Variants in YLPM1 observed in about 807,000 individuals in gnomAD.
The protein encoded by YLPM1 is YLP motif containing 1, also known as YLP motif-containing protein 1.
YLPM1 carries 99 observed loss-of-function variants against 230.0 expected under a neutral mutation model. That is an observed-to-expected ratio of 0.43 (90% confidence interval 0.37 to 0.51). The LOEUF (loss-of-function observed/expected upper bound fraction) is 0.51, where lower values mean the gene tolerates loss of function less well. YLPM1 is among the 20% of genes least tolerant of loss of function. The probability of loss-of-function intolerance (pLI) is 0.00; values close to 1 mark genes in which losing one functional copy is unlikely to be tolerated. For missense variants in YLPM1, 2,592 were observed against 2,707.7 expected, an observed-to-expected ratio of 0.96 and a Z score of 0.95; for synonymous variants, 984 against 942.5, an observed-to-expected ratio of 1.04 and a Z score of -0.81.
At chr14:74,822,275 A>G (rs1047817138) in intron 17 of YLPM1, among the ~76,000 whole-genome samples, 12 of 152,174 alleles carry the variant, frequency 7.9e-5, no homozygotes, top group African/African-American at 2.9e-4. Flanking sequence ...CGTGTGTACT[A>G]GAAACTGATT....
At chr14:74,797,456 A>G (rs2091275864) in intron 4 of YLPM1, 124 bp from the exon 5 acceptor site, 2 of 808,558 alleles carry the variant, frequency 2.5e-6, no homozygotes, top group Admixed American at 6.6e-5. Flanking sequence ...GGATTAATTT[A>G]ATGACTGAAA....
chr14:74,791,604 G>T (rs1296615936), intron 4 of YLPM1, among the ~76,000 whole-genome samples: 2 of 152,166 alleles, frequency 1.3e-5, no homozygotes, highest in Non-Finnish European at 2.9e-5. Context: ...CAGCACTTCA[G>T]TAATTACAGA....
intron 4 of YLPM1, among the ~76,000 whole-genome samples, chr14:74,788,847 AAG>A (rs1360021735): frequency 6.6e-6 from 1 of 152,196 alleles, no homozygotes; most frequent in Non-Finnish European, 1.5e-5. Flanking sequence ...AAAAAAAAGA[AAG>A]AAAAGAAACC....
At position 74,817,074 on chromosome 14, in the gene YLPM1, G is replaced by C. The variant is rs1322003780; in HGVS notation, c.5829G>C (p.Gln1943His). 2.5e-6 allele frequency: 4 copies of C among 1,607,336 alleles called. 1 individual carries two copies. Among genetic ancestry groups the C allele is most frequent in the Admixed American group, 1.7e-5 (1 of 58,634 alleles). The part of the protein sequence containing the change: ...AINDRVRHFD[Q>H]FWSAAKTKGF... ...ATGACAGAGTTAGGCATTTTGACCAGTTTTGGAGTGCAGCAAAAACCAAGG... is the reference window on the plus strand; with the variant it reads ...ATGACAGAGTTAGGCATTTTGACCACTTTTGGAGTGCAGCAAAAACCAAGG... The change falls in exon 14 of 21, where the codon CAG (glutamine) becomes CAC (histidine). Residue 1943 changes from glutamine (Q) to histidine (H), a missense_variant. Gln to His is a conservative substitution (Grantham distance 24, BLOSUM62 0). This residue lies in a region of YLPM1 where 315 missense variants were observed against 429.3 expected (regional missense o/e 0.73). Coordinates refer to ENST00000325680, the MANE Select transcript of YLPM1 (RefSeq NM_019589.3).
rs933326019 is a variant in YLPM1 at position 74,781,312 on chromosome 14, G to C, written c.1291-22G>C. Reference sequence around the variant, plus strand: ...TATCTTATATGAATGGTTTTAAATAGTTTTTATCCCTTTATTTGTAGACCA... The same window carrying C: ...TATCTTATATGAATGGTTTTAAATACTTTTTATCCCTTTATTTGTAGACCA... On this transcript the variant is annotated intron_variant, in intron 3 of 20. Coordinates refer to ENST00000325680, the MANE Select transcript of YLPM1 (RefSeq NM_019589.3). 6 of 1,505,454 alleles carry C rather than the reference G, an allele frequency of 4.0e-6. No homozygotes were observed. The East Asian group carries it at 1.5e-4, about 37-fold the overall frequency. 93.3% of individuals were successfully genotyped at this position (1,505,454 alleles called of 1,614,324 possible). A position where few individuals can be genotyped will look rare whatever the true frequency, so the allele number is the denominator to read the frequency against.
chr14:74,801,617 CAG>C (rs986865140), intron 5 of YLPM1, among the ~76,000 whole-genome samples: 6 of 152,134 alleles, frequency 3.9e-5, no homozygotes, highest in African/African-American at 2.4e-5. Flanking sequence ...CCCCAAGAAT[CAG>C]ATAACAAAAA....
At position 74,764,164 on chromosome 14, in the gene YLPM1, G is replaced by T. The variant is rs995665994; in HGVS notation, c.675G>T (p.Leu225Phe). The T allele has an allele frequency of 6.2e-7, 1 of 1,612,574 alleles. No homozygotes were observed. Among genetic ancestry groups the T allele is most frequent in the African/African-American group, 1.3e-5 (1 of 74,386 alleles). Residue 225 changes from leucine to phenylalanine, a missense_variant, in exon 1 of 21, where the codon TTG becomes TTT. Around this residue, in one of 4 missense-constraint regions of YLPM1, gnomAD observed 1,862 missense variants for 1,819.8 expected, o/e 1.02. Transcript: ENST00000325680. ...QSYLSHSQSYLPSSQASPSRP... is the reference protein window; with the variant it reads ...QSYLSHSQSYFPSSQASPSRP... Reference sequence around the variant, plus strand: ...ATTTGAGCCATTCCCAGTCCTACTTGCCCTCTTCTCAGGCATCTCCTTCCC... The same window carrying T: ...ATTTGAGCCATTCCCAGTCCTACTTTCCCTCTTCTCAGGCATCTCCTTCCC...
chr14:74,810,123 T>C, intron 8 of YLPM1, 102 bp from the exon 9 acceptor site: 1 of 1,484,508 alleles, frequency 6.7e-7, no homozygotes, highest in Non-Finnish European at 9.0e-7. Context: ...CTTAGTTGAA[T>C]TTATGGCAAA....
In YLPM1 at chr14:74,809,690, C is replaced by A. The variant is rs374456976; in HGVS notation, c.4832C>A (p.Pro1611Gln). 32 of 1,613,948 alleles carry A rather than the reference C, an allele frequency of 2.0e-5. No homozygotes were observed. Among genetic ancestry groups the A allele is most frequent in the Non-Finnish European group, 2.5e-5 (30 of 1,179,906 alleles). The stretch of plus-strand genomic sequence containing the variant: ...CCATCTGCTCCAGTATTACCACCCC[C>A]ACCTGTTCACTCTTCCATTCCCCCT... The part of the protein sequence containing the change: ...AIPSAPVLPP[P>Q]PVHSSIPPPG... Residue 1611 changes from proline to glutamine, a missense_variant, in exon 7 of 21, where the codon CCA (proline) becomes CAA (glutamine). Pro to Gln is a moderately conservative substitution (Grantham distance 76). This residue lies in a region of YLPM1 where 403 missense variants were observed against 426.7 expected (regional missense o/e 0.94). Coordinates refer to ENST00000325680, the MANE Select transcript of YLPM1 (RefSeq NM_019589.3).
At chr14:74,785,671 A>G (rs2091141325) in intron 4 of YLPM1, among the ~76,000 whole-genome samples, 12 of 152,214 alleles carry the variant, frequency 7.9e-5, no homozygotes, top group Admixed American at 3.3e-4. Flanking sequence ...TTAAATAATC[A>G]AAGCTGATTA....
intron 11 of YLPM1, among the ~76,000 whole-genome samples, chr14:74,814,244 C>G (rs1305035241): frequency 6.6e-6 from 1 of 151,948 alleles, no homozygotes; most frequent in East Asian, 1.9e-4. Context: ...ACCTGTAGTC[C>G]CAGCTACTCA....
chr14:74,804,579 G>C lies in YLPM1; in HGVS notation c.4521+1903G>C, dbSNP rs187978736. ...TGCCTTCCCATCCCCTCCTGCAACT[G>C]GCTAATGTTTGTTTATCTTTTACAA... On this transcript the variant is annotated intron_variant, in intron 6 of 20. Transcript: ENST00000325680. Among the ~76,000 whole-genome samples the C allele has an allele frequency of 1.7e-3, 260 of 152,236 alleles. 3 individuals carry two copies. Among genetic ancestry groups the C allele is most frequent in the Middle Eastern group, 0.014 (4 of 294 alleles).
intron 1 of YLPM1, among the ~76,000 whole-genome samples, chr14:74,765,573 G>T (rs2090904007): frequency 6.6e-6 from 1 of 152,186 alleles, no homozygotes. Flanking sequence ...TATAGAGACA[G>T]ACTTTCTGTC....
chr14:74,778,353 A>T, intron 1 of YLPM1, 94 bp from the exon 2 acceptor site: 1 of 1,100,672 alleles, frequency 9.1e-7, no homozygotes, highest in East Asian at 2.6e-5. Context: ...ATATAGACAC[A>T]TGAACACAGA....
intron 4 of YLPM1, among the ~76,000 whole-genome samples, chr14:74,796,333 A>T (rs2091260609): frequency 6.6e-6 from 1 of 152,112 alleles, no homozygotes. Flanking sequence ...GCACTTCCAA[A>T]CATGCTCTGC....
chr14:74,769,851 A>AC (rs113231747), intron 1 of YLPM1, among the ~76,000 whole-genome samples: 14,218 of 76,268 alleles, frequency 0.19, 1,674 homozygotes, highest in Non-Finnish European at 0.2. Flanking sequence ...AAAGTGAGAC[A>AC]CCCCCCCCCC....
At chr14:74,827,441 A>C in intron 18 of YLPM1, 1 of 985,452 alleles carries the variant, frequency 1.0e-6, no homozygotes, top group Non-Finnish European at 1.2e-6. Context: ...TTTGCACAAT[A>C]AAATTTCAAA....
At chr14:74,811,881 G>A (rs1177914933) in intron 10 of YLPM1, 143 bp downstream of exon 10, 6 of 544,006 alleles carry the variant, frequency 1.1e-5, no homozygotes, top group African/African-American at 2.0e-5. Flanking sequence ...CTAAAAAATA[G>A]CAGTGTAATT....
intron 1 of YLPM1, among the ~76,000 whole-genome samples, chr14:74,773,989 G>A (rs1490401060): frequency 6.6e-6 from 1 of 151,974 alleles, no homozygotes; most frequent in African/African-American, 2.4e-5. Context: ...CCAAAGTACT[G>A]GGATTACAGG....
Sources: gnomAD v4.1 joint callset for allele counts (sites outside exome capture counted in the v4.1 genomes callset) on GRCh38, gnomAD v4.1.1 for gene constraint, gnomAD v4.1.1 regional missense constraint, MANE v1.5 for transcripts, NCBI Gene and HGNC (gene_info 2026-07-23, HGNC 2026-07-21) for gene names.